The following RRP12 variants were observed in gnomAD, a reference collection of about 807,000 sequenced individuals.
The protein encoded by RRP12 is RRP12-like protein.
RRP12 carries 78 observed loss-of-function variants against 157.3 expected under a neutral mutation model. That is an observed-to-expected ratio of 0.50 (90% confidence interval 0.41 to 0.60). The LOEUF (loss-of-function observed/expected upper bound fraction) is 0.60, where lower values mean the gene tolerates loss of function less well. Among genes scored for constraint, RRP12 ranks in the 20% least tolerant of loss-of-function variants. RRP12 has a pLI of 0.00. For synonymous variants in RRP12, 726 were observed against 670.9 expected (o/e 1.08, Z -1.27); for missense variants, 1,521 against 1,679.9 (o/e 0.91, Z 1.65).
intron 31 of RRP12, among the ~76,000 whole-genome samples, chr10:97,359,745 GC>G (rs1364308001): frequency 6.6e-6 from 1 of 152,252 alleles, no homozygotes; most frequent in African/African-American, 2.4e-5. Flanking sequence ...GGTTGGGCAA[GC>G]AGCCCTGACC....
At position 97,366,521 on chromosome 10, in the gene RRP12, G is replaced by T. The variant is rs1022564921; in HGVS notation, c.3316C>A (p.Arg1106=). 6.2e-7 allele frequency: 1 copy of T among 1,614,044 alleles called. No homozygotes were observed. The highest frequency in any genetic ancestry group is 1.1e-5 in the South Asian group (1 of 91,078). Residue 1106 remains arginine, a synonymous_variant, in exon 28 of 34, where the codon CGG becomes AGG. Transcript: ENST00000370992. ...EQRKLARQRS[R]AWLKEGGGDE... The stretch of plus-strand genomic sequence containing the variant: ...CCACCGCCCTCTTTCAGCCATGCCC[G>T]GCTCCTCTGTCGTGCCAGCTTCCGC...
In RRP12 at chr10:97,366,882, G is replaced by A. The variant is rs776364835; in HGVS notation, c.3075C>T (p.Pro1025=). The A allele has an allele frequency of 1.6e-5, 26 of 1,613,804 alleles. No individual in the cohort carries two copies. The highest frequency in any genetic ancestry group is 2.2e-5 in the East Asian group (1 of 44,884). Residue 1025 remains proline (P), a synonymous_variant, in exon 27 of 34, where the codon CCC becomes CCT. Transcript: ENST00000370992. The part of the protein sequence containing the change: ...FGFELVKRLL[P]EEYHRVLVNI... Reference sequence around the variant, plus strand: ...TGACCAGGACTCTGTGGTACTCCTCGGGCAACAGCCTTTTCACCAGCTCAA... The same window carrying A: ...TGACCAGGACTCTGTGGTACTCCTCAGGCAACAGCCTTTTCACCAGCTCAA...
intron 8 of RRP12, among the ~76,000 whole-genome samples, chr10:97,386,261 G>A (rs977837974): frequency 6.1e-5 from 8 of 131,478 alleles, no homozygotes; most frequent in African/African-American, 2.6e-4. Context: ...TGTTACAGCT[G>A]TATTTTTTTT....
In RRP12 at chr10:97,366,113, G is replaced by A. The variant is rs1332663375; in HGVS notation, c.3512C>T (p.Ala1171Val). 6.2e-7 allele frequency: 1 copy of A among 1,602,786 alleles called. No individual in the cohort carries two copies. Among genetic ancestry groups the A allele is most frequent in the Non-Finnish European group, 8.5e-7 (1 of 1,179,840 alleles). Residue 1171 changes from alanine to valine, a missense_variant, in exon 29 of 34, where the codon GCC (alanine) becomes GTC (valine). Physicochemically the swap from Ala to Val is moderately conservative, Grantham distance 64. Transcript: ENST00000370992. Reference sequence around the variant, plus strand: ...GACAAGCGCGTTGGGCCCACCTTTGGCACCTTCCTCTTCCTCCATCTTGTT... The same window carrying A: ...GACAAGCGCGTTGGGCCCACCTTTGACACCTTCCTCTTCCTCCATCTTGTT... The part of the protein sequence containing the change: ...DGNKMEEEEG[A>V]KGEDEEMADP...
intron 4 of RRP12, 84 bp downstream of exon 4, chr10:97,393,600 A>G (rs1049872337): frequency 2.8e-6 from 3 of 1,077,578 alleles, no homozygotes; most frequent in South Asian, 2.6e-5. Context: ...TTAAATAACA[A>G]TTCCCTGATC....
rs760755767 is a variant in RRP12, at chr10:97,370,205, C to T, written c.2759G>A (p.Ser920Asn). Residue 920 changes from serine (S) to asparagine (N), a missense_variant, in exon 24 of 34, where the codon AGC becomes AAC. Physicochemically the swap from Ser to Asn is conservative, Grantham distance 46. Coordinates refer to ENST00000370992, the MANE Select transcript of RRP12 (RefSeq NM_015179.4). ...AAGGAGGTGGGTCAGGGCCAGGATG[C>T]TGCAGCTGACCATGGTCACCGCGCC... ...LVGAVTMVSC[S>N]ILALTHLLFE... The T allele has an allele frequency of 1.2e-6, 2 of 1,607,132 alleles. No homozygotes were observed. Among genetic ancestry groups the T allele is most frequent in the South Asian group, 1.1e-5 (1 of 89,494 alleles).
At chr10:97,390,645 G>A in intron 5 of RRP12, 94 bp downstream of exon 5, 1 of 1,338,654 alleles carries the variant, frequency 7.5e-7, no homozygotes. Context: ...AGGTCCCCAG[G>A]GTGCCTAAAC....
At chr10:97,369,618 A>G in intron 24 of RRP12, 36 bp from the exon 25 acceptor site, 1 of 1,544,054 alleles carries the variant, frequency 6.5e-7, no homozygotes. Context: ...TAAGACACCC[A>G]GGACCCCACT....
Position 97,396,146 on chromosome 10 carries a change from G to A in RRP12, c.453+72C>T, listed in dbSNP as rs550432031. ...CCTTCTCTACCCCCACATGCCAGGGGCACTCATCTTCTCGCTAAATCTTGC... is the reference window on the plus strand; with the variant it reads ...CCTTCTCTACCCCCACATGCCAGGGACACTCATCTTCTCGCTAAATCTTGC... On this transcript the variant is annotated intron_variant, in intron 3 of 33. Coordinates refer to ENST00000370992, the MANE Select transcript of RRP12 (RefSeq NM_015179.4). 3.5e-5 allele frequency: 36 copies of A among 1,043,418 alleles called. No homozygotes were observed. In the East Asian group the frequency reaches 8.1e-4, roughly 23 times the overall value. 64.6% of individuals were successfully genotyped at this position (1,043,418 alleles called of 1,614,324 possible). A position where few individuals can be genotyped will look rare whatever the true frequency, so the allele number is the denominator to read the frequency against.
At chr10:97,366,939 G>A (rs757603142) in intron 26 of RRP12, 30 bp from the exon 27 acceptor site, 68 of 1,610,020 alleles carry the variant, frequency 4.2e-5, no homozygotes, top group Non-Finnish European at 5.3e-5. Context: ...GCTGGTGAGA[G>A]GCACTGGCCA....
intron 19 of RRP12, 99 bp downstream of exon 19, chr10:97,372,637 C>T (rs753846647): frequency 2.1e-5 from 21 of 983,970 alleles, no homozygotes; most frequent in Admixed American, 8.1e-5. Context: ...TCAAGGCTTC[C>T]TTAAATAATG....
rs1589419202 is a variant in RRP12, at chr10:97,371,078, T to C, written c.2347A>G (p.Lys783Glu). 1 of 1,613,264 alleles carries C rather than the reference T, an allele frequency of 6.2e-7. No homozygotes were observed. Reference sequence around the variant, plus strand: ...GCCTTCTTCTGCACCCCGTGGGCCTTGCTCTGGCAGACAGGAACCGGTGAG... The same window carrying C: ...GCCTTCTTCTGCACCCCGTGGGCCTCGCTCTGGCAGACAGGAACCGGTGAG... ...YSTIRPYLES[K>E]AHGVQKKAYR... Residue 783 changes from lysine (K) to glutamate (E), a missense_variant, in exon 21 of 34, where the codon AAG (lysine) becomes GAG (glutamate). Physicochemically the swap from Lys to Glu is moderately conservative, Grantham distance 56. Coordinates refer to ENST00000370992, the MANE Select transcript of RRP12 (RefSeq NM_015179.4).
chr10:97,370,665 T>C (rs1209593204), intron 22 of RRP12, 51 bp downstream of exon 22: 1 of 1,604,602 alleles, frequency 6.2e-7, no homozygotes, highest in East Asian at 2.2e-5. Flanking sequence ...CCTGAGGCCC[T>C]TAAGAGCCAC....
In RRP12 at chr10:97,400,290, G is replaced by A. The variant is rs1845103299; in HGVS notation, c.369+15C>T. On this transcript the variant is annotated intron_variant, in intron 2 of 33. Transcript: ENST00000370992. ...CTCCTCACTATCCTATGGCCCTCCC[G>A]ACCCTCGCCCCTACCTCCTTGTGGG... The A allele has an allele frequency of 1.9e-6, 3 of 1,604,646 alleles. No homozygotes were observed. Among genetic ancestry groups the A allele is most frequent in the Admixed American group, 3.3e-5 (2 of 59,962 alleles).
chr10:97,398,039 A>ATTTATATATATGTAT (rs1845031218), intron 2 of RRP12, among the ~76,000 whole-genome samples: 1 of 56,028 alleles, frequency 1.8e-5, no homozygotes, highest in Non-Finnish European at 3.2e-5. Context: ...ATATATACGT[A>ATTTATATATATGTAT]TTTTTTTTTT....
Position 97,369,627 on chromosome 10 carries a change from C to G in RRP12, c.2798-45G>C, listed in dbSNP as rs933721233. 3.9e-6 allele frequency: 6 copies of G among 1,535,422 alleles called. No individual in the cohort carries two copies. The Admixed American group carries it at 1.2e-4, about 31-fold the overall frequency. On this transcript the variant is annotated intron_variant, in intron 24 of 33. Coordinates refer to ENST00000370992, the MANE Select transcript of RRP12 (RefSeq NM_015179.4). ...ACTGTCTAAGACACCCAGGACCCCA[C>G]TCAGACCCAAACCTTCCCCACTGGA... is the stretch of plus-strand genomic sequence containing the variant.
Position 97,385,987 on chromosome 10 carries a change from T to C in RRP12, c.1024A>G (p.Thr342Ala). The C allele has an allele frequency of 1.3e-6, 2 of 1,592,360 alleles. No individual in the cohort carries two copies. Among genetic ancestry groups the C allele is most frequent in the East Asian group, 2.3e-5 (1 of 44,064 alleles). Residue 342 changes from threonine to alanine, a missense_variant, in exon 9 of 34, where the codon ACA becomes GCA. Coordinates refer to ENST00000370992, the MANE Select transcript of RRP12 (RefSeq NM_015179.4). ...TGAAAGGCCTGCATGGCACAGGCTG[T>C]CACCAGCTGGAGGGGGACACACAGG... is the stretch of plus-strand genomic sequence containing the variant. ...RVMTLSHVLV[T>A]ACAMQAFHSL...
chr10:97,370,087 C>T, intron 24 of RRP12, 80 bp downstream of exon 24: 1 of 998,794 alleles, frequency 1.0e-6, no homozygotes, highest in Non-Finnish European at 1.5e-6. Flanking sequence ...TTCCCAGTTC[C>T]AGGAGCCACT....
downstream of RRP12, chr10:97,356,556 C>T (rs185288598): frequency 2.6e-5 from 4 of 152,470 alleles, no homozygotes; most frequent in East Asian, 7.7e-4. Flanking sequence ...GTTCCAAAGC[C>T]TGTCCTATGG....
Sources: gnomAD v4.1 joint callset for allele counts (sites outside exome capture counted in the v4.1 genomes callset) on GRCh38, gnomAD v4.1.1 for gene constraint, MANE v1.5 for transcripts, NCBI Gene and HGNC (gene_info 2026-07-23, HGNC 2026-07-21) for gene names.